PTPRK: variants seen among roughly 807,000 people sequenced by gnomAD.
PTPRK encodes protein tyrosine phosphatase receptor type K.
Under a neutral mutation model 178.0 loss-of-function variants are expected in PTPRK, and 75 were observed. The ratio of observed to expected loss-of-function variants is 0.42; its 90% CI spans 0.35 to 0.51. PTPRK has a LOEUF of 0.51. PTPRK is among the 20% of genes least tolerant of loss of function. The pLI, the probability that PTPRK is intolerant of heterozygous loss-of-function variation, is 0.02. For missense variants in PTPRK, 1,441 were observed against 1,797.8 expected, an observed-to-expected ratio of 0.80 and a Z score of 3.59; for synonymous variants, 637 against 620.6, an observed-to-expected ratio of 1.03 and a Z score of -0.39.
chr6:128,132,576 TTG>T (rs1794419759), intron 7 of PTPRK, among the ~76,000 whole-genome samples: 1 of 152,242 alleles, frequency 6.6e-6, no homozygotes, highest in Admixed American at 6.5e-5. Flanking sequence ...AGCAGTCATG[TTG>T]GGCTGTACTG....
At position 128,519,047 on chromosome 6, in the gene PTPRK, G is replaced by C. The variant is rs774004951; in HGVS notation, c.100+1212C>G. The C allele has an allele frequency of 2.4e-5, 13 of 531,876 alleles. No individual in the cohort carries two copies. The highest frequency in any genetic ancestry group is 4.2e-5 in the Non-Finnish European group (11 of 259,446). The allele number at this position is 531,876 out of a possible 1,614,324, so 32.9% of individuals were successfully genotyped here. A position where few individuals can be genotyped will look rare whatever the true frequency, so the allele number is the denominator to read the frequency against. On this transcript the variant is annotated intron_variant, in intron 1 of 29. Coordinates refer to ENST00000368226, the MANE Select transcript of PTPRK (RefSeq NM_002844.4). The surrounding 1 kb of genome is among the most constrained non-coding windows in gnomAD (Gnocchi z 4.3). ...GGCTTCAGCCAGGAGCGTGGCTGTC[G>C]CTTTTCCCGTCTTCTCCATCACCCT... is the stretch of plus-strand genomic sequence containing the variant.
intron 7 of PTPRK, among the ~76,000 whole-genome samples, chr6:128,142,289 G>C (rs1187144969): frequency 6.6e-6 from 1 of 151,876 alleles, no homozygotes; most frequent in Non-Finnish European, 1.5e-5. Context: ...AATTCAAATT[G>C]AGAGGCCTGC....
intron 1 of PTPRK, among the ~76,000 whole-genome samples, chr6:128,460,602 C>G (rs904378168): frequency 1.3e-4 from 20 of 151,920 alleles, no homozygotes; most frequent in Non-Finnish European, 2.4e-4. Flanking sequence ...TAAAGATAAA[C>G]AGAGTTGCCA....
chr6:127,992,013 G>A (rs73582609), intron 19 of PTPRK, among the ~76,000 whole-genome samples: 12 of 151,778 alleles, frequency 7.9e-5, no homozygotes, highest in African/African-American at 2.7e-4. Context: ...TGTTAAAAGA[G>A]TAAACCTAGC....
chr6:128,035,226 C>T lies in PTPRK; in HGVS notation c.2195-25958G>A, dbSNP rs887619935. Among the ~76,000 whole-genome samples the T allele has an allele frequency of 3.9e-5, 6 of 152,004 alleles. No homozygotes were observed. In the East Asian group the frequency reaches 7.7e-4, roughly 20 times the overall value. On this transcript the variant is annotated intron_variant, in intron 13 of 29. Coordinates refer to ENST00000368226, the MANE Select transcript of PTPRK (RefSeq NM_002844.4). ...TACAAAAAATACAAAATTATCCAGG[C>T]GTTGTAGCAAGTGCCTGTAATCTCA...
intron 22 of PTPRK, 36 bp from the exon 23 acceptor site, chr6:127,983,413 C>G (rs13198231): frequency 4.6e-5 from 73 of 1,604,334 alleles, no homozygotes; most frequent in Non-Finnish European, 5.9e-5. Flanking sequence ...TTGTAAGAAG[C>G]ATGTTAGTCT....
chr6:128,182,630 C>T (rs905685790), intron 7 of PTPRK, among the ~76,000 whole-genome samples: 1 of 152,080 alleles, frequency 6.6e-6, no homozygotes, highest in African/African-American at 2.4e-5. Context: ...GGGCTATTCT[C>T]AGAATAAAAC....
At chr6:128,163,595 G>A (rs1021461843) in intron 7 of PTPRK, among the ~76,000 whole-genome samples, 10 of 151,366 alleles carry the variant, frequency 6.6e-5, no homozygotes, top group Admixed American at 2.6e-4. Context: ...TATTTTTTAT[G>A]CTATGGATCC....
At chr6:128,151,337 T>G (rs1797217330) in intron 7 of PTPRK, among the ~76,000 whole-genome samples, 2 of 152,000 alleles carry the variant, frequency 1.3e-5, no homozygotes, top group Non-Finnish European at 2.9e-5. Context: ...AAAAATTAAG[T>G]CAAGGGTAGG....
At chr6:128,204,826 T>A (rs146742277) in intron 6 of PTPRK, among the ~76,000 whole-genome samples, 2 of 152,104 alleles carry the variant, frequency 1.3e-5, no homozygotes, top group African/African-American at 4.8e-5. Flanking sequence ...GAATGTAAAT[T>A]AGCTCAACCC....
At chr6:128,071,118 T>TAAA (rs11410139) in intron 11 of PTPRK, among the ~76,000 whole-genome samples, 1 of 148,982 alleles carries the variant, frequency 6.7e-6, no homozygotes, top group East Asian at 2.0e-4. Flanking sequence ...ATAGAGAGGT[T>TAAA]AAAAAAAAAA....
At chr6:128,446,427 A>T (rs1847037702) in intron 1 of PTPRK, among the ~76,000 whole-genome samples, 1 of 152,230 alleles carries the variant, frequency 6.6e-6, no homozygotes, top group African/African-American at 2.4e-5. Flanking sequence ...CCACAGAAAC[A>T]CCAAGTTTCT....
At chr6:128,498,924 T>C (rs1313830621) in intron 1 of PTPRK, among the ~76,000 whole-genome samples, 3 of 152,248 alleles carry the variant, frequency 2.0e-5, no homozygotes, top group Non-Finnish European at 4.4e-5. Context: ...TGTTGTTAAG[T>C]CTTGGATATA....
chr6:128,184,840 A>G, intron 6 of PTPRK, 115 bp from the exon 7 acceptor site: 2 of 1,089,122 alleles, frequency 1.8e-6, no homozygotes, highest in Non-Finnish European at 2.5e-6. Context: ...TGCATAATAA[A>G]TACTTGAAAG....
At chr6:128,292,917 A>G (rs17430452) in intron 3 of PTPRK, among the ~76,000 whole-genome samples, 10,095 of 152,044 alleles carry the variant, frequency 0.066, 370 homozygotes, top group Non-Finnish European at 0.07. Flanking sequence ...ACAGACCATC[A>G]ATAACCTTTG....
chr6:128,500,886 A>G (rs917378621), intron 1 of PTPRK: 2 of 152,168 alleles, frequency 1.3e-5, no homozygotes, highest in African/African-American at 4.8e-5. Flanking sequence ...GGCTCAAGCA[A>G]TCCTCCTGCC....
intron 2 of PTPRK, among the ~76,000 whole-genome samples, chr6:128,373,756 T>C (rs766260736): frequency 7.2e-5 from 11 of 152,174 alleles, no homozygotes; most frequent in Non-Finnish European, 1.2e-4. Flanking sequence ...TCATTCACCA[T>C]TGTGGTAGTG....
At chr6:128,403,193 T>C (rs1360600807) in intron 1 of PTPRK, among the ~76,000 whole-genome samples, 3 of 152,238 alleles carry the variant, frequency 2.0e-5, no homozygotes, top group Non-Finnish European at 4.4e-5. Flanking sequence ...GTAAGACTTC[T>C]ATTCAAACTG....
chr6:128,317,068 C>T (rs903010326), intron 3 of PTPRK, among the ~76,000 whole-genome samples: 1 of 152,010 alleles, frequency 6.6e-6, no homozygotes, highest in East Asian at 1.9e-4. Flanking sequence ...CCACGATGAC[C>T]GTGTTAGGTA....
Sources: allele counts gnomAD v4.1 joint callset (sites outside exome capture counted in the v4.1 genomes callset), GRCh38; gene constraint gnomAD v4.1.1; non-coding constraint Gnocchi (gnomAD v3.1); transcripts MANE v1.5; gene names NCBI Gene and HGNC (gene_info 2026-07-23, HGNC 2026-07-21).